Variants in KIRREL3 observed in about 807,000 individuals in gnomAD.
KIRREL3 encodes kin of IRRE-like protein 3.
KIRREL3 carries 36 observed loss-of-function variants against 89.7 expected under a neutral mutation model. The observed-to-expected ratio is 0.40, with a 90% CI of 0.31 to 0.53. KIRREL3 has a LOEUF of 0.53. Ranked by LOEUF, KIRREL3 falls within the 20% of genes least tolerant of loss-of-function variation. The pLI, the probability that KIRREL3 is intolerant of heterozygous loss-of-function variation, is 0.49. For synonymous variants in KIRREL3, 445 were observed against 441.4 expected, an observed-to-expected ratio of 1.01 and a Z score of -0.10; for missense variants, 864 against 1,056.6, an observed-to-expected ratio of 0.82 and a Z score of 2.53.
At chr11:126,456,961 G>C (rs1285535933) in intron 6 of KIRREL3, among the ~76,000 whole-genome samples, 1 of 152,148 alleles carries the variant, frequency 6.6e-6, no homozygotes. Context: ...GGTGGCGCAC[G>C]GCCTCAGCTT....
intron 1 of KIRREL3, among the ~76,000 whole-genome samples, chr11:126,591,669 G>A (rs180710875): frequency 6.6e-6 from 1 of 152,180 alleles, no homozygotes; most frequent in African/African-American, 2.4e-5. Context: ...TCTCTGTCCT[G>A]AAGGCCTGAA....
At position 126,908,247 on chromosome 11, in the gene KIRREL3, T is replaced by A. The variant is rs1192416862; in HGVS notation, c.55+92208A>T. ...TAAATAAATAAATCTAGGTGGATAT[T>A]CCAATCGGTTGCTTTGACATTCATG... On this transcript the variant is annotated intron_variant, in intron 1 of 16. Transcript: ENST00000525144. This position sits in a 1 kb window ranked among gnomAD's most constrained non-coding sequence, Gnocchi z 4.2. Among the ~76,000 whole-genome samples, 2 of 152,222 alleles carry A rather than the reference T, an allele frequency of 1.3e-5. No individual in the cohort carries two copies. Among genetic ancestry groups the A allele is most frequent in the Non-Finnish European group, 2.9e-5 (2 of 68,050 alleles).
chr11:126,507,628 C>G (rs913530259), intron 4 of KIRREL3, among the ~76,000 whole-genome samples: 15 of 152,144 alleles, frequency 9.9e-5, no homozygotes, highest in Non-Finnish European at 2.1e-4. Flanking sequence ...TAGAACAGTA[C>G]CTGGCATGTG....
intron 1 of KIRREL3, among the ~76,000 whole-genome samples, chr11:126,712,260 G>C (rs1947787358): frequency 1.1e-5 from 1 of 89,572 alleles, no homozygotes; most frequent in African/African-American, 4.6e-5. Flanking sequence ...TCCAGATAAG[G>C]GCGAGTGTGT....
At position 126,946,472 on chromosome 11, in the gene KIRREL3, T is replaced by C. The variant is rs879777460; in HGVS notation, c.55+53983A>G. Among the ~76,000 whole-genome samples the C allele has an allele frequency of 6.6e-6, 1 of 152,244 alleles. No homozygotes were observed. The highest frequency in any genetic ancestry group is 1.5e-5 in the Non-Finnish European group (1 of 68,048). ...TTACACACAGTTGAAAAAGGACTAA[T>C]ACAAATGCCCATAAAATCTACAGAC... On this transcript the variant is annotated intron_variant, in intron 1 of 16. Transcript: ENST00000525144. The surrounding 1 kb of genome is among the most constrained non-coding windows in gnomAD (Gnocchi z 4.1).
chr11:126,881,754 G>T (rs971839716), intron 1 of KIRREL3, among the ~76,000 whole-genome samples: 1 of 152,044 alleles, frequency 6.6e-6, no homozygotes, highest in African/African-American at 2.4e-5. Flanking sequence ...CACCATGTTG[G>T]CCAGGCTGAT....
At chr11:126,637,498 C>T (rs930105682) in intron 1 of KIRREL3, among the ~76,000 whole-genome samples, 1 of 152,174 alleles carries the variant, frequency 6.6e-6, no homozygotes, top group Non-Finnish European at 1.5e-5. Context: ...AAGCCTCTGC[C>T]TATTTGTCCA....
rs150683062 is a variant in KIRREL3, at chr11:126,612,765, C to T, written c.56-49853G>A. On this transcript the variant is annotated intron_variant, in intron 1 of 16. Coordinates refer to ENST00000525144, the MANE Select transcript of KIRREL3 (RefSeq NM_032531.4). This position sits in a 1 kb window ranked among gnomAD's most constrained non-coding sequence, Gnocchi z 4.5. ...GGCCTTTTGTGTCCGTCTCCTTTCACGTAACAAAATGCTTTCAAGGTTCCA... is the reference window on the plus strand; with the variant it reads ...GGCCTTTTGTGTCCGTCTCCTTTCATGTAACAAAATGCTTTCAAGGTTCCA... Among the ~76,000 whole-genome samples, 113 of 152,334 alleles carry T rather than the reference C, an allele frequency of 7.4e-4. No individual in the cohort carries two copies. The highest frequency in any genetic ancestry group is 1.5e-3 in the Non-Finnish European group (102 of 68,024).
At chr11:126,700,531 A>T (rs941999205) in intron 1 of KIRREL3, among the ~76,000 whole-genome samples, 2 of 152,356 alleles carry the variant, frequency 1.3e-5, no homozygotes, top group Middle Eastern at 3.4e-3. Context: ...TTACTTTTGC[A>T]CTAACCTAAT....
chr11:126,592,110 T>G (rs1445399393), intron 1 of KIRREL3, among the ~76,000 whole-genome samples: 1 of 152,162 alleles, frequency 6.6e-6, no homozygotes, highest in East Asian at 1.9e-4. Context: ...TCCAGGGCCT[T>G]TTGTCGAGCC....
chr11:126,900,482 G>A lies in KIRREL3; in HGVS notation c.55+99973C>T, dbSNP rs764543215. Reference sequence around the variant, plus strand: ...CCAATTCCCTTTCCTTCTGCAAAGAGTTAAACAAAAAAGTAATTAAACAAT... The same window carrying A: ...CCAATTCCCTTTCCTTCTGCAAAGAATTAAACAAAAAAGTAATTAAACAAT... On this transcript the variant is annotated intron_variant, in intron 1 of 16. Coordinates refer to ENST00000525144, the MANE Select transcript of KIRREL3 (RefSeq NM_032531.4). This position sits in a 1 kb window ranked among gnomAD's most constrained non-coding sequence, Gnocchi z 4.4. Among the ~76,000 whole-genome samples the A allele has an allele frequency of 6.6e-5, 10 of 152,168 alleles. No individual in the cohort carries two copies. The highest frequency in any genetic ancestry group is 1.2e-4 in the Non-Finnish European group (8 of 68,022).
rs7106922 is a variant in KIRREL3 at position 126,788,652 on chromosome 11, C to T, written c.55+211803G>A. Among the ~76,000 whole-genome samples the T allele has an allele frequency of 3.5e-4, 54 of 152,164 alleles. No individual in the cohort carries two copies. Among genetic ancestry groups the T allele is most frequent in the African/African-American group, 1.2e-3 (51 of 41,422 alleles). On this transcript the variant is annotated intron_variant, in intron 1 of 16. Transcript: ENST00000525144. This position sits in a 1 kb window ranked among gnomAD's most constrained non-coding sequence, Gnocchi z 4.1. ...CTTGGGTTAAAAGTCTGTTTAGCCT[C>T]ACCAGACCCATCATCACCAGTCCTC... is the stretch of plus-strand genomic sequence containing the variant.
intron 1 of KIRREL3, among the ~76,000 whole-genome samples, chr11:126,638,668 A>G (rs1288514033): frequency 6.6e-6 from 1 of 152,182 alleles, no homozygotes; most frequent in Non-Finnish European, 1.5e-5. Context: ...CTATATGTTC[A>G]CGTCACTGCA....
intron 1 of KIRREL3, among the ~76,000 whole-genome samples, chr11:126,597,575 C>A (rs1429253441): frequency 2.6e-5 from 4 of 152,100 alleles, no homozygotes; most frequent in African/African-American, 9.7e-5. Flanking sequence ...CATTCTTTTG[C>A]CGTCAGCTTC....
rs76021247 is a variant in KIRREL3 at position 126,733,638 on chromosome 11, A to G, written c.56-170726T>C. Among the ~76,000 whole-genome samples, 1,213 of 152,346 alleles carry G rather than the reference A, an allele frequency of 8.0e-3. 28 individuals carry two copies. The highest frequency in any genetic ancestry group is 0.028 in the African/African-American group (1,176 of 41,576). ...GTTCCTACATTTACTTTCAATTTAAATAACAGTTTTAGCCAGGGTTTTGAT... is the reference window on the plus strand; with the variant it reads ...GTTCCTACATTTACTTTCAATTTAAGTAACAGTTTTAGCCAGGGTTTTGAT... On this transcript the variant is annotated intron_variant, in intron 1 of 16. Transcript: ENST00000525144.
chr11:126,595,295 C>T (rs1158826324), intron 1 of KIRREL3, among the ~76,000 whole-genome samples: 3 of 152,230 alleles, frequency 2.0e-5, no homozygotes, highest in Admixed American at 2.0e-4. Context: ...AGCCTCCCCT[C>T]CAGCCTGGCT....
At chr11:126,821,332 T>TAC (rs1943212546) in intron 1 of KIRREL3, among the ~76,000 whole-genome samples, 2 of 62,064 alleles carry the variant, frequency 3.2e-5, no homozygotes, top group African/African-American at 1.0e-4. Context: ...AAACACAGTA[T>TAC]ATATATATAT....
chr11:126,846,112 G>T (rs1046258021), intron 1 of KIRREL3, among the ~76,000 whole-genome samples: 2 of 152,216 alleles, frequency 1.3e-5, no homozygotes, highest in Admixed American at 1.3e-4. Flanking sequence ...TTATGAGAGA[G>T]CTTTGGTGTG....
At chr11:126,481,780 G>A (rs1957224378) in intron 4 of KIRREL3, among the ~76,000 whole-genome samples, 1 of 152,220 alleles carries the variant, frequency 6.6e-6, no homozygotes, top group Admixed American at 6.5e-5. Flanking sequence ...TTTCCAGAGT[G>A]ACTGTTACAG....
Sources: gnomAD v4.1 joint callset for allele counts (sites outside exome capture counted in the v4.1 genomes callset) on GRCh38, gnomAD v4.1.1 for gene constraint, Gnocchi (gnomAD v3.1) non-coding constraint, MANE v1.5 for transcripts, NCBI Gene and HGNC (gene_info 2026-07-23, HGNC 2026-07-21) for gene names.